CTNND2: variants seen among roughly 807,000 people sequenced by gnomAD.
The protein encoded by CTNND2 is catenin delta 2, also known as catenin delta-2.
CTNND2 carries 22 observed loss-of-function variants against 144.4 expected under a neutral mutation model. The observed-to-expected ratio is 0.15, with a 90% CI of 0.11 to 0.22. The LOEUF (loss-of-function observed/expected upper bound fraction) is 0.22, where lower values mean the gene tolerates loss of function less well. Among genes scored for constraint, CTNND2 ranks in the 10% least tolerant of loss-of-function variants. CTNND2 has a pLI of 1.00. For missense variants in CTNND2, 1,353 were observed against 1,618.8 expected, an observed-to-expected ratio of 0.84 and a Z score of 2.82; for synonymous variants, 751 against 695.6, an observed-to-expected ratio of 1.08 and a Z score of -1.25.
At chr5:11,513,265 T>A (rs1014543024) in intron 3 of CTNND2, among the ~76,000 whole-genome samples, 3 of 152,160 alleles carry the variant, frequency 2.0e-5, no homozygotes, top group Non-Finnish European at 2.9e-5. Context: ...CTTGTTTTGC[T>A]TTTCTCTCTA....
At chr5:11,151,650 G>C (rs1757769177) in intron 12 of CTNND2, among the ~76,000 whole-genome samples, 1 of 152,134 alleles carries the variant, frequency 6.6e-6, no homozygotes, top group Non-Finnish European at 1.5e-5. Context: ...CAAATTACAG[G>C]ATACATAATT....
chr5:11,508,865 C>T (rs140000686), intron 3 of CTNND2, among the ~76,000 whole-genome samples: 1 of 151,376 alleles, frequency 6.6e-6, no homozygotes, highest in African/African-American at 2.4e-5. Flanking sequence ...GAGCTGAGAT[C>T]GCACCACTGC....
In CTNND2 at chr5:11,903,690, C is replaced by A; in HGVS notation, c.37+127G>T. On this transcript the variant is annotated intron_variant, in intron 1 of 21. Transcript: ENST00000304623. The surrounding 1 kb of genome is among the most constrained non-coding windows in gnomAD (Gnocchi z 5.4). ...GGTCCTCCCCGAGGCAGGCAGAAAC[C>A]CCGCAGCAGCCGCCGCCGCCGCCTG... 2 of 1,035,720 alleles carry A rather than the reference C, an allele frequency of 1.9e-6. No individual in the cohort carries two copies. Among genetic ancestry groups the A allele is most frequent in the East Asian group, 3.3e-5 (1 of 30,174 alleles). 64.2% of individuals were successfully genotyped at this position (1,035,720 alleles called of 1,614,324 possible). A position where few individuals can be genotyped will look rare whatever the true frequency, so the allele number is the denominator to read the frequency against.
At chr5:11,148,457 G>C (rs143288636) in intron 12 of CTNND2, among the ~76,000 whole-genome samples, 4 of 152,228 alleles carry the variant, frequency 2.6e-5, no homozygotes, top group Non-Finnish European at 5.9e-5. Context: ...CTGCTAGTTC[G>C]ATCTGCCTGC....
At chr5:11,283,098 C>T (rs1580789879) in intron 9 of CTNND2, among the ~76,000 whole-genome samples, 1 of 152,280 alleles carries the variant, frequency 6.6e-6, no homozygotes, top group East Asian at 1.9e-4. Flanking sequence ...TATTTGCTTG[C>T]TTTTACCCCA....
intron 3 of CTNND2, among the ~76,000 whole-genome samples, chr5:11,420,010 A>G (rs903782257): frequency 2.0e-5 from 3 of 152,140 alleles, no homozygotes; most frequent in African/African-American, 7.2e-5. Context: ...CAGAGAAACT[A>G]CTGGGAAATA....
At chr5:11,364,930 C>A in intron 7 of CTNND2, 40 bp from the exon 8 acceptor site, 1 of 1,538,120 alleles carries the variant, frequency 6.5e-7, no homozygotes. Context: ...GCTCAGGCGA[C>A]CTCCAAACAG....
At chr5:11,323,795 C>T (rs373177214) in intron 9 of CTNND2, among the ~76,000 whole-genome samples, 36 of 152,270 alleles carry the variant, frequency 2.4e-4, no homozygotes, top group African/African-American at 7.2e-4. Flanking sequence ...TGGAGAGAGG[C>T]CTGGCATTGG....
chr5:11,662,880 G>A (rs1400945369), intron 2 of CTNND2, among the ~76,000 whole-genome samples: 1 of 152,070 alleles, frequency 6.6e-6, no homozygotes, highest in Non-Finnish European at 1.5e-5. Context: ...CGAAAAGGCT[G>A]GAGATTTCTG....
At chr5:11,176,993 T>A (rs963868549) in intron 11 of CTNND2, among the ~76,000 whole-genome samples, 4 of 152,172 alleles carry the variant, frequency 2.6e-5, no homozygotes, top group Non-Finnish European at 4.4e-5. Context: ...TTCATATAAG[T>A]TTCTTACATA....
chr5:11,628,993 C>T (rs548899259), intron 2 of CTNND2, among the ~76,000 whole-genome samples: 35 of 152,150 alleles, frequency 2.3e-4, no homozygotes, highest in South Asian at 1.2e-3. Flanking sequence ...TTCCTCTCTA[C>T]GGGAAACCAT....
intron 1 of CTNND2, among the ~76,000 whole-genome samples, chr5:11,801,196 G>C (rs1024982350): frequency 6.6e-6 from 1 of 152,170 alleles, no homozygotes; most frequent in Non-Finnish European, 1.5e-5. Context: ...TAGCTGATGG[G>C]TACCAGTTAA....
intron 2 of CTNND2, among the ~76,000 whole-genome samples, chr5:11,638,904 T>A: frequency 6.6e-6 from 1 of 152,194 alleles, no homozygotes; most frequent in Non-Finnish European, 1.5e-5. Context: ...AAGGCAGGTT[T>A]CTTATTTCTT....
intron 9 of CTNND2, among the ~76,000 whole-genome samples, chr5:11,260,620 G>A (rs888903039): frequency 4.6e-5 from 7 of 152,146 alleles, no homozygotes; most frequent in African/African-American, 1.4e-4. Context: ...GCACACACAA[G>A]TGAGAACCCA....
intron 1 of CTNND2, among the ~76,000 whole-genome samples, chr5:11,752,638 T>C (rs10065337): frequency 0.083 from 12,600 of 151,828 alleles, 1,399 homozygotes; most frequent in African/African-American, 0.25. Context: ...TCCAGCTTTG[T>C]TCTTTTTGCT....
At chr5:11,623,326 TG>T (rs554022475) in intron 2 of CTNND2, among the ~76,000 whole-genome samples, 162 of 152,228 alleles carry the variant, frequency 1.1e-3, no homozygotes, top group African/African-American at 3.8e-3. Context: ...AATTGAACTA[TG>T]GGAGTGGTTT....
chr5:11,254,512 C>T lies in CTNND2; in HGVS notation c.1629-17689G>A, dbSNP rs147545054. Among the ~76,000 whole-genome samples the T allele has an allele frequency of 2.7e-4, 41 of 152,234 alleles. 1 individual carries two copies. In the East Asian group the frequency reaches 7.9e-3, roughly 29 times the overall value. ...GGTGCTCTTTAGGGAATGTTTTTGA[C>T]TCCATTTGAATAGGTATCAGAGGTG... On this transcript the variant is annotated intron_variant, in intron 9 of 21. Coordinates refer to ENST00000304623, the MANE Select transcript of CTNND2 (RefSeq NM_001332.4).
chr5:11,620,884 A>C (rs1170131879), intron 2 of CTNND2, among the ~76,000 whole-genome samples: 1 of 152,160 alleles, frequency 6.6e-6, no homozygotes, highest in Admixed American at 6.5e-5. Context: ...GAATACCTGA[A>C]TAGTCTATTT....
intron 3 of CTNND2, among the ~76,000 whole-genome samples, chr5:11,563,786 G>T (rs950144287): frequency 5.9e-5 from 9 of 151,774 alleles, no homozygotes; most frequent in African/African-American, 1.9e-4. Context: ...TTAACAGCAT[G>T]TGACTCCAAT....
Sources: gnomAD v4.1 joint callset for allele counts (sites outside exome capture counted in the v4.1 genomes callset) on GRCh38, gnomAD v4.1.1 for gene constraint, Gnocchi (gnomAD v3.1) non-coding constraint, MANE v1.5 for transcripts, NCBI Gene and HGNC (gene_info 2026-07-23, HGNC 2026-07-21) for gene names.